The following TMEM117 variants were observed in gnomAD, a reference collection of about 807,000 sequenced individuals.
TMEM117 encodes transmembrane protein 117.
A neutral mutation model predicts 52.4 loss-of-function variants in TMEM117; 27 were observed. That is an observed-to-expected ratio of 0.51 (90% CI 0.38 to 0.71). The LOEUF (loss-of-function observed/expected upper bound fraction) is 0.71, where lower values mean the gene tolerates loss of function less well. Ranked by LOEUF, TMEM117 falls within the 30% of genes least tolerant of loss-of-function variation. TMEM117 has a pLI of 0.00. For synonymous variants in TMEM117, 215 were observed against 206.3 expected, an observed-to-expected ratio of 1.04 and a Z score of -0.36; for missense variants, 556 against 630.5, an observed-to-expected ratio of 0.88 and a Z score of 1.26.
chr12:44,248,494 G>C (rs1009157703), intron 5 of TMEM117: 1 of 154,278 alleles, frequency 6.5e-6, no homozygotes, highest in Non-Finnish European at 1.4e-5. Context: ...AATGAACCTT[G>C]ATGAGCCCCC....
At chr12:44,114,650 A>G (rs189738513) in intron 3 of TMEM117, among the ~76,000 whole-genome samples, 3 of 152,272 alleles carry the variant, frequency 2.0e-5, no homozygotes, top group African/African-American at 4.8e-5. Flanking sequence ...AGTGAGGCCA[A>G]TCATACTTAC....
chr12:44,248,038 G>C (rs114954669), intron 5 of TMEM117, among the ~76,000 whole-genome samples: 1 of 152,150 alleles, frequency 6.6e-6, no homozygotes, highest in Non-Finnish European at 1.5e-5. Context: ...TTCCAGTTTG[G>C]GTCTCAGGTT....
chr12:43,946,017 G>C (rs976235715), intron 3 of TMEM117, among the ~76,000 whole-genome samples: 1 of 152,138 alleles, frequency 6.6e-6, no homozygotes, highest in African/African-American at 2.4e-5. Context: ...ATAAATTCAC[G>C]AATGTGATTT....
intron 3 of TMEM117, among the ~76,000 whole-genome samples, chr12:43,955,182 T>A (rs1388607997): frequency 6.6e-6 from 1 of 152,054 alleles, no homozygotes; most frequent in Non-Finnish European, 1.5e-5. Flanking sequence ...AACATATCAA[T>A]AACATACCGA....
At chr12:44,290,961 G>A (rs181310448) in intron 5 of TMEM117, among the ~76,000 whole-genome samples, 89 of 152,176 alleles carry the variant, frequency 5.8e-4, no homozygotes, top group African/African-American at 2.1e-3. Context: ...CCCAAGATTC[G>A]TTTGGCTATT....
At chr12:43,811,504 A>C in the TMEM117 span, among the ~76,000 whole-genome samples, 2 of 152,242 alleles carry the variant, frequency 1.3e-5, no homozygotes, top group African/African-American at 4.8e-5. Context: ...ATTCTGTTTA[A>C]GCCACAGTTT....
intron 4 of TMEM117, among the ~76,000 whole-genome samples, chr12:44,191,737 C>T (rs183409130): frequency 2.6e-5 from 4 of 151,938 alleles, no homozygotes; most frequent in African/African-American, 7.3e-5. Flanking sequence ...TCCAAGGATG[C>T]GAGTCAATGA....
chr12:44,064,744 A>G (rs1380865591), intron 3 of TMEM117, among the ~76,000 whole-genome samples: 2 of 152,226 alleles, frequency 1.3e-5, no homozygotes, highest in Admixed American at 6.5e-5. Flanking sequence ...GTTCAATAAC[A>G]TAGCCCTATA....
In TMEM117 at chr12:43,844,918, G is replaced by C. The variant is rs1442689980; in HGVS notation, c.267G>C (p.Gln89His). The change falls in exon 2 of 8, where the codon CAG becomes CAC. Residue 89 changes from glutamine (Q) to histidine (H), a missense_variant. Coordinates refer to ENST00000266534, the MANE Select transcript of TMEM117 (RefSeq NM_032256.3). The stretch of plus-strand genomic sequence containing the variant: ...TAGCTGGCAAATTTCTGTTCCATCA[G>C]CGTTTGTTTGGTAAGTACCATGACC... Reference protein sequence around the residue: ...GLIAGKFLFHQRLFGQLLRLK... With the variant: ...GLIAGKFLFHHRLFGQLLRLK... 1 of 1,612,846 alleles carries C rather than the reference G, an allele frequency of 6.2e-7. No homozygotes were observed.
chr12:43,844,173 A>T (rs1943160624), intron 1 of TMEM117, among the ~76,000 whole-genome samples: 1 of 152,172 alleles, frequency 6.6e-6, no homozygotes, highest in South Asian at 2.1e-4. Context: ...CAGAAAATAC[A>T]AAAGTTAACC....
chr12:43,812,157 T>C, the TMEM117 span, among the ~76,000 whole-genome samples: 4 of 152,346 alleles, frequency 2.6e-5, no homozygotes, highest in South Asian at 8.3e-4. Flanking sequence ...CAGACATCAA[T>C]AGTCTCTGAA....
At chr12:44,028,223 AT>A (rs1386657608) in intron 3 of TMEM117, among the ~76,000 whole-genome samples, 3 of 151,824 alleles carry the variant, frequency 2.0e-5, no homozygotes, top group South Asian at 2.1e-4. Context: ...CTGAGTGTAG[AT>A]TTTTTTTTAA....
At position 43,882,015 on chromosome 12, in the gene TMEM117, T is replaced by C. The variant is rs1212203503; in HGVS notation, c.277+37087T>C. ...TGAACCCAGGAGGCGGAGCTTGCAGTGAGCCCAGATCGAGCCACTGCACTC... is the reference window on the plus strand; with the variant it reads ...TGAACCCAGGAGGCGGAGCTTGCAGCGAGCCCAGATCGAGCCACTGCACTC... On this transcript the variant is annotated intron_variant, in intron 2 of 7. Transcript: ENST00000266534. Among the ~76,000 whole-genome samples, 9 of 151,666 alleles carry C rather than the reference T, an allele frequency of 5.9e-5. 1 individual carries two copies. In the East Asian group the frequency reaches 1.4e-3, roughly 23 times the overall value.
intron 4 of TMEM117, among the ~76,000 whole-genome samples, chr12:44,204,261 G>A (rs560463959): frequency 1.3e-5 from 2 of 152,070 alleles, no homozygotes; most frequent in African/African-American, 4.8e-5. Flanking sequence ...CAGCATTTCT[G>A]TATGTCAATA....
At chr12:44,283,200 G>A (rs1234569595) in intron 5 of TMEM117, among the ~76,000 whole-genome samples, 1 of 152,346 alleles carries the variant, frequency 6.6e-6, no homozygotes, top group African/African-American at 2.4e-5. Context: ...GAAATGTGGG[G>A]TCAGAGCCTG....
intron 3 of TMEM117, among the ~76,000 whole-genome samples, chr12:44,106,400 C>T (rs1310671374): frequency 6.6e-6 from 1 of 151,996 alleles, no homozygotes; most frequent in Non-Finnish European, 1.5e-5. Context: ...AAAAATTGAA[C>T]TCCAATTAAA....
chr12:44,183,125 C>T (rs745616921), intron 4 of TMEM117, among the ~76,000 whole-genome samples: 1 of 152,000 alleles, frequency 6.6e-6, no homozygotes, highest in Non-Finnish European at 1.5e-5. Flanking sequence ...TGCCAATAAT[C>T]CTCAGCTAGG....
rs559820822 is a variant in TMEM117 at position 44,356,008 on chromosome 12, T to C, written c.769-20587T>C. 2.1e-4 allele frequency among the ~76,000 whole-genome samples: 32 copies of C among 151,868 alleles called. No individual in the cohort carries two copies. The East Asian group carries it at 3.7e-3, about 18-fold the overall frequency. On this transcript the variant is annotated intron_variant, in intron 6 of 7. Transcript: ENST00000266534. ...TTGTCTTCTGCAGTAGATATCTGTTTAGAGTCAGGAAAAAAAAAGAAAAAA... is the reference window on the plus strand; with the variant it reads ...TTGTCTTCTGCAGTAGATATCTGTTCAGAGTCAGGAAAAAAAAAGAAAAAA...
At chr12:44,345,726 GTTA>G (rs1951477585) in intron 6 of TMEM117, among the ~76,000 whole-genome samples, 1 of 152,050 alleles carries the variant, frequency 6.6e-6, no homozygotes, top group African/African-American at 2.4e-5. Flanking sequence ...ACGTATCATT[GTTA>G]TTTATTTACT....
Sources: allele counts gnomAD v4.1 joint callset (sites outside exome capture counted in the v4.1 genomes callset), GRCh38; gene constraint gnomAD v4.1.1; transcripts MANE v1.5; gene names NCBI Gene and HGNC (gene_info 2026-07-23, HGNC 2026-07-21).